The following KCNN2 variants were observed in gnomAD, a reference collection of about 807,000 sequenced individuals.
KCNN2 encodes the protein small conductance calcium-activated potassium channel protein 2.
A neutral mutation model predicts 55.5 loss-of-function variants in KCNN2; 24 were observed. That is an observed-to-expected ratio of 0.43 (90% CI 0.31 to 0.61). KCNN2 has a LOEUF of 0.61. Ranked by LOEUF, KCNN2 falls within the 20% of genes least tolerant of loss-of-function variation. The pLI is 0.08. For missense variants in KCNN2, 754 were observed against 853.6 expected (o/e 0.88, Z 1.45); for synonymous variants, 431 against 336.1 (o/e 1.28, Z -3.09).
chr5:114,395,271 G>A (rs1470398729), intron 2 of KCNN2, among the ~76,000 whole-genome samples: 2 of 152,108 alleles, frequency 1.3e-5, no homozygotes, highest in Non-Finnish European at 2.9e-5. Flanking sequence ...ATGATGATGA[G>A]CTTGAAGTAT....
At chr5:114,058,818 C>G (rs1750264489) in intron 1 of KCNN2, among the ~76,000 whole-genome samples, 1 of 152,128 alleles carries the variant, frequency 6.6e-6, no homozygotes. Flanking sequence ...CATTGTGGAG[C>G]TGCGTGGAGA....
chr5:114,363,406 C>G (rs1324380709), intron 1 of KCNN2, 145 bp downstream of exon 1: 1 of 1,041,746 alleles, frequency 9.6e-7, no homozygotes, highest in African/African-American at 1.6e-5. Flanking sequence ...GCGTCTAGGA[C>G]GCGCATCCGT....
intron 2 of KCNN2, among the ~76,000 whole-genome samples, chr5:114,237,886 G>C (rs949840521): frequency 6.6e-6 from 1 of 152,202 alleles, no homozygotes; most frequent in Non-Finnish European, 1.5e-5. Flanking sequence ...GTGATGCTCA[G>C]CTCTTGCCCC....
chr5:114,295,135 G>C (rs1460755911), intron 2 of KCNN2, among the ~76,000 whole-genome samples: 1 of 152,194 alleles, frequency 6.6e-6, no homozygotes, highest in East Asian at 1.9e-4. Context: ...CTCCCAGTTA[G>C]GCTGCTCAGG....
At chr5:114,387,159 A>G (rs2150061041) in intron 2 of KCNN2, among the ~76,000 whole-genome samples, 1 of 152,352 alleles carries the variant, frequency 6.6e-6, no homozygotes, top group East Asian at 1.9e-4. Flanking sequence ...AGTAATACAA[A>G]TGGATAATCT....
chr5:114,495,756 C>A, intron 7 of KCNN2, 139 bp from the exon 8 acceptor site: 1 of 737,894 alleles, frequency 1.4e-6, no homozygotes, highest in Non-Finnish European at 2.3e-6. Context: ...GTTGGCTTTG[C>A]AAGATGAGCT....
intron 1 of KCNN2, among the ~76,000 whole-genome samples, chr5:114,088,152 T>C (rs1378314941): frequency 6.6e-6 from 1 of 152,124 alleles, no homozygotes; most frequent in Non-Finnish European, 1.5e-5. Context: ...ATATAAAATA[T>C]AGATTTATAG....
chr5:114,408,950 T>A (rs181338863), intron 3 of KCNN2, among the ~76,000 whole-genome samples: 1 of 152,174 alleles, frequency 6.6e-6, no homozygotes, highest in Non-Finnish European at 1.5e-5. Context: ...AGGTGAAAAC[T>A]GTTCATTTCA....
At chr5:114,278,793 G>A (rs980619247) in intron 2 of KCNN2, among the ~76,000 whole-genome samples, 1 of 152,184 alleles carries the variant, frequency 6.6e-6, no homozygotes, top group African/African-American at 2.4e-5. Flanking sequence ...CTTTGACTAG[G>A]AAAGGGAAAT....
chr5:114,151,961 G>A (rs1398121812), intron 1 of KCNN2, among the ~76,000 whole-genome samples: 1 of 152,142 alleles, frequency 6.6e-6, no homozygotes, highest in East Asian at 1.9e-4. Context: ...CCTGTTCTTA[G>A]AGCAATAAGG....
intron 1 of KCNN2, among the ~76,000 whole-genome samples, chr5:114,163,905 G>A (rs1300146360): frequency 8.0e-6 from 1 of 125,034 alleles, no homozygotes. Context: ...ATATTGATGA[G>A]AAATTAGGAA....
intron 2 of KCNN2, among the ~76,000 whole-genome samples, chr5:114,294,805 C>G (rs995687565): frequency 2.6e-5 from 4 of 152,012 alleles, no homozygotes; most frequent in Non-Finnish European, 5.9e-5. Context: ...TTAAAGTCTC[C>G]CATTATTGTT....
intron 1 of KCNN2, among the ~76,000 whole-genome samples, chr5:114,168,621 G>C (rs1447201924): frequency 5.9e-5 from 9 of 151,998 alleles, no homozygotes; most frequent in Admixed American, 5.9e-4. Context: ...TATATGGTCA[G>C]GATATTTTAC....
intron 1 of KCNN2, among the ~76,000 whole-genome samples, chr5:114,056,864 G>A (rs565678706): frequency 6.6e-6 from 1 of 151,962 alleles, no homozygotes; most frequent in South Asian, 2.1e-4. Context: ...TCTTTTTCCT[G>A]TCTATGAAAA....
intron 2 of KCNN2, among the ~76,000 whole-genome samples, chr5:114,277,979 T>C (rs915507842): frequency 6.6e-6 from 1 of 152,240 alleles, no homozygotes; most frequent in Non-Finnish European, 1.5e-5. Context: ...TGTAGTTTTA[T>C]CTACCTTTGG....
chr5:114,323,724 A>G (rs1321153883), intron 2 of KCNN2, among the ~76,000 whole-genome samples: 1 of 137,644 alleles, frequency 7.3e-6, no homozygotes. Flanking sequence ...GCCTGATCTC[A>G]GCTCACTGCA....
rs149358510 is a variant in KCNN2, at chr5:114,421,784, A to G, written c.1637+16928A>G. On this transcript the variant is annotated intron_variant, in intron 3 of 7. Transcript: ENST00000673685. ...GCCACCATGCCCAGCTAATTTTTGT[A>G]TTTTTAGTAGAGACAGGGTTTCACC... Among the ~76,000 whole-genome samples, 932 of 151,788 alleles carry G rather than the reference A, an allele frequency of 6.1e-3. 12 individuals carry two copies. The highest frequency in any genetic ancestry group is 0.022 in the African/African-American group (899 of 41,346).
chr5:114,468,217 A>C (rs1254186397), intron 4 of KCNN2, among the ~76,000 whole-genome samples: 1 of 152,192 alleles, frequency 6.6e-6, no homozygotes, highest in Non-Finnish European at 1.5e-5. Context: ...ACCTGAGGAA[A>C]CCTTGTAAAA....
intron 1 of KCNN2, among the ~76,000 whole-genome samples, chr5:114,085,871 G>A (rs560975867): frequency 6.6e-6 from 1 of 151,940 alleles, no homozygotes; most frequent in Admixed American, 6.6e-5. Flanking sequence ...CCTTTTTTAA[G>A]TTCTGTTCAT....
Sources: gnomAD v4.1 joint callset for allele counts (sites outside exome capture counted in the v4.1 genomes callset) on GRCh38, gnomAD v4.1.1 for gene constraint, MANE v1.5 for transcripts, NCBI Gene and HGNC (gene_info 2026-07-23, HGNC 2026-07-21) for gene names.